The following ZNF385C variants were observed in gnomAD, a reference collection of about 807,000 sequenced individuals.
ZNF385C encodes CTD-2132N18.2.
In ZNF385C, 28 loss-of-function variants were observed where a neutral mutation model predicts 35.4. The observed-to-expected ratio is 0.79, with a 90% confidence interval of 0.59 to 1.08. ZNF385C has a LOEUF of 1.08. Ranked by LOEUF, ZNF385C falls within the 50% of genes least tolerant of loss-of-function variation. The pLI is 0.00. For synonymous variants in ZNF385C, 248 were observed against 248.2 expected (o/e 1.00, Z 0.01); for missense variants, 605 against 595.6 (o/e 1.02, Z -0.16).
At chr17:42,046,853 A>AT (rs1316105179) in intron 2 of ZNF385C, among the ~76,000 whole-genome samples, 100 of 150,378 alleles carry the variant, frequency 6.6e-4, no homozygotes, top group Middle Eastern at 6.8e-3. Flanking sequence ...ATTAGATGAT[A>AT]TTTTTTTTCC....
rs115116423 is a variant in ZNF385C at position 42,058,560 on chromosome 17, C to G, written c.250+4247G>C. On this transcript the variant is annotated intron_variant, in intron 2 of 8. Coordinates refer to ENST00000692273, the MANE Select transcript of ZNF385C (RefSeq NM_001392013.1). ...GGAGAGGGGCACACTGGCCTAGTCC[C>G]CACCTGGGCAGAGCTGGAAGAGGCA... Among the ~76,000 whole-genome samples, 1,072 of 152,340 alleles carry G rather than the reference C, an allele frequency of 7.0e-3. 15 individuals carry two copies. Among genetic ancestry groups the G allele is most frequent in the African/African-American group, 0.025 (1,025 of 41,578 alleles).
At chr17:42,059,999 T>G (rs2053438190) in intron 2 of ZNF385C, among the ~76,000 whole-genome samples, 2 of 152,094 alleles carry the variant, frequency 1.3e-5, no homozygotes, top group Non-Finnish European at 2.9e-5. Context: ...AGGGAGGAGC[T>G]TTTACCACAG....
At position 42,093,643 on chromosome 17, in the gene ZNF385C, C is replaced by T. The variant is rs189414157; in HGVS notation, c.-3+4767G>A. ...TCGTCCAGGCTGGAGTGCAGTGGCACGATGTTGGCTCACTGCAACCTGTAC... is the reference window on the plus strand; with the variant it reads ...TCGTCCAGGCTGGAGTGCAGTGGCATGATGTTGGCTCACTGCAACCTGTAC... On this transcript the variant is annotated intron_variant, in intron 1 of 8. Transcript: ENST00000692273. Among the ~76,000 whole-genome samples the T allele has an allele frequency of 1.5e-4, 22 of 151,084 alleles. No homozygotes were observed. In the East Asian group the frequency reaches 2.7e-3, roughly 19 times the overall value.
At chr17:42,078,835 G>A (rs1465169218) in intron 1 of ZNF385C, among the ~76,000 whole-genome samples, 1 of 152,096 alleles carries the variant, frequency 6.6e-6, no homozygotes, top group Non-Finnish European at 1.5e-5. Context: ...GTGTGTCTGC[G>A]GGTGTAATTT....
chr17:42,039,810 C>T, intron 2 of ZNF385C: 2 of 1,232,300 alleles, frequency 1.6e-6, no homozygotes, highest in Non-Finnish European at 2.0e-6. Context: ...CCACTGCGAT[C>T]TTCACCATGT....
intron 2 of ZNF385C, chr17:42,040,596 G>A (rs925404079): frequency 2.4e-6 from 3 of 1,232,494 alleles, no homozygotes; most frequent in Middle Eastern, 3.1e-4. Flanking sequence ...GTGAGGCAAG[G>A]GCTGCAGCCT....
chr17:42,027,557 C>CCCCCCCCCCCCCCCAACCCCCCCCCA, intron 8 of ZNF385C, 61 bp downstream of exon 8: 1 of 592,574 alleles, frequency 1.7e-6, no homozygotes, highest in East Asian at 3.3e-5. Flanking sequence ...CCATCTGGCC[C>CCCCCCCCCCCCCCCAACCCCCCCCCA]TCCCAGCCCA....
rs548034959 is a variant in ZNF385C at position 42,086,221 on chromosome 17, G to A, written c.-3+12189C>T. Among the ~76,000 whole-genome samples the A allele has an allele frequency of 7.9e-5, 12 of 151,602 alleles. No homozygotes were observed. The South Asian group carries it at 2.5e-3, about 32-fold the overall frequency. ...AGCCTGCGCAACATGGTGAAACCCCGTCTCTACTTAAAACACAAAAATTAG... is the reference window on the plus strand; with the variant it reads ...AGCCTGCGCAACATGGTGAAACCCCATCTCTACTTAAAACACAAAAATTAG... On this transcript the variant is annotated intron_variant, in intron 1 of 8. Transcript: ENST00000692273.
chr17:42,079,334 A>G (rs1468315677), intron 1 of ZNF385C, among the ~76,000 whole-genome samples: 6 of 146,486 alleles, frequency 4.1e-5, no homozygotes, highest in Non-Finnish European at 9.0e-5. Flanking sequence ...GCAGTGAGCC[A>G]TGATCATGCC....
At position 42,028,165 on chromosome 17, in the gene ZNF385C, G is replaced by A. The variant is rs943617446; in HGVS notation, c.1049C>T (p.Ala350Val). 3.7e-6 allele frequency: 6 copies of A among 1,608,194 alleles called. No homozygotes were observed. The highest frequency in any genetic ancestry group is 5.1e-6 in the Non-Finnish European group (6 of 1,177,866). The change falls in exon 7 of 9, where the codon GCC becomes GTC. Residue 350 changes from alanine to valine, a missense_variant. By Grantham distance (64) the Ala-to-Val change is moderately conservative. Coordinates refer to ENST00000692273, the MANE Select transcript of ZNF385C (RefSeq NM_001392013.1). ...SRGRPVSRGGAGHKAKRVTGG... is the reference protein window; with the variant it reads ...SRGRPVSRGGVGHKAKRVTGG... ...TGTGACTCTCTTGGCTTTGTGTCCG[G>A]CACCTCCCCTGGACACCGGGCGGCC...
intron 3 of ZNF385C, 62 bp from the exon 4 acceptor site, chr17:42,034,397 G>A (rs2052795981): frequency 3.9e-6 from 5 of 1,276,174 alleles, no homozygotes; most frequent in Non-Finnish European, 5.5e-6. Flanking sequence ...GGGGTCGGGG[G>A]CAGCACAAAA....
At chr17:42,038,913 C>G (rs1161433453) in intron 2 of ZNF385C, 1 of 152,260 alleles carries the variant, frequency 6.6e-6, no homozygotes, top group Non-Finnish European at 1.5e-5. Flanking sequence ...ATCTACTCCC[C>G]AGTCATAGCT....
At chr17:42,040,307 G>T (rs891016688) in intron 2 of ZNF385C, 7 of 1,231,612 alleles carry the variant, frequency 5.7e-6, no homozygotes, top group Non-Finnish European at 7.1e-6. Flanking sequence ...TAACCGAGCA[G>T]CTCCACGCCG....
chr17:42,076,808 T>C (rs2053691252), intron 1 of ZNF385C, among the ~76,000 whole-genome samples: 1 of 152,090 alleles, frequency 6.6e-6, no homozygotes, highest in African/African-American at 2.4e-5. Flanking sequence ...GCCCAGTAAC[T>C]TTTTTCCTAC....
intron 2 of ZNF385C, among the ~76,000 whole-genome samples, chr17:42,047,085 G>A (rs974637697): frequency 6.0e-5 from 9 of 149,996 alleles, no homozygotes; most frequent in African/African-American, 2.2e-4. Context: ...AGGCTGGAGC[G>A]CAGTGGCGCG....
intron 5 of ZNF385C, 56 bp downstream of exon 5, chr17:42,031,563 T>A: frequency 6.6e-7 from 1 of 1,513,946 alleles, no homozygotes; most frequent in Non-Finnish European, 8.9e-7. Context: ...CTCAACCCCT[T>A]GTCGGAAACC....
In ZNF385C at chr17:42,067,455, G is replaced by T. The variant is rs548577851; in HGVS notation, c.-2-4397C>A. Among the ~76,000 whole-genome samples, 14 of 152,212 alleles carry T rather than the reference G, an allele frequency of 9.2e-5. No individual in the cohort carries two copies. The East Asian group carries it at 2.7e-3, about 29-fold the overall frequency. On this transcript the variant is annotated intron_variant, in intron 1 of 8. Coordinates refer to ENST00000692273, the MANE Select transcript of ZNF385C (RefSeq NM_001392013.1). The stretch of plus-strand genomic sequence containing the variant: ...GTTGTGGCTGGGCGGCAGTCCCACA[G>T]ATAGCCTCCAGGTGGCGCAGCAAAC...
At chr17:42,061,514 C>G (rs1299072172) in intron 2 of ZNF385C, 2 of 152,182 alleles carry the variant, frequency 1.3e-5, no homozygotes, top group African/African-American at 4.8e-5. Flanking sequence ...AGCCACCATG[C>G]CCAGCCAATG....
chr17:42,068,040 T>TC (rs1239459312), intron 1 of ZNF385C, among the ~76,000 whole-genome samples: 1 of 152,002 alleles, frequency 6.6e-6, no homozygotes, highest in African/African-American at 2.4e-5. Context: ...CTAATTGTGT[T>TC]CCCCCCAGCC....
Sources: allele counts gnomAD v4.1 joint callset (sites outside exome capture counted in the v4.1 genomes callset), GRCh38; gene constraint gnomAD v4.1.1; transcripts MANE v1.5; gene names NCBI Gene and HGNC (gene_info 2026-07-23, HGNC 2026-07-21).